The following BTBD17 variants were observed in gnomAD, a reference collection of about 807,000 sequenced individuals.
The protein encoded by BTBD17 is BTB domain containing 17, also known as BTB/POZ domain-containing protein 17.
BTBD17 carries 26 observed loss-of-function variants against 36.9 expected under a neutral mutation model. The observed-to-expected ratio is 0.70, with a 90% CI of 0.52 to 0.98. The LOEUF (loss-of-function observed/expected upper bound fraction) is 0.98. Among genes scored for constraint, BTBD17 ranks in the 50% least tolerant of loss-of-function variants. The pLI, the probability that BTBD17 is intolerant of heterozygous loss-of-function variation, is 0.00. For synonymous variants in BTBD17, 341 were observed against 338.0 expected (o/e 1.01, Z -0.10); for missense variants, 630 against 691.3 (o/e 0.91, Z 0.99).
In BTBD17 at chr17:74,356,602, C is replaced by A; in HGVS notation, c.*55G>T. On this transcript the variant is annotated 3_prime_UTR_variant, in exon 3 of 3. Coordinates refer to ENST00000375366, the MANE Select transcript of BTBD17 (RefSeq NM_001080466.2). This position sits in a 1 kb window ranked among gnomAD's most constrained non-coding sequence, Gnocchi z 4.3. ...TTGCCACCTCCAGGCTCGCCTTGCC[C>A]TTCCCAGACCCACAGGGACCACCTA... 7.2e-7 allele frequency: 1 copy of A among 1,390,428 alleles called. No individual in the cohort carries two copies. Among genetic ancestry groups the A allele is most frequent in the South Asian group, 1.9e-5 (1 of 52,758 alleles). The allele number at this position is 1,390,428 out of a possible 1,614,324, so 86.1% of individuals were successfully genotyped here.
intron 1 of BTBD17, among the ~76,000 whole-genome samples, chr17:74,361,178 G>A (rs2054935418): frequency 1.3e-5 from 2 of 152,234 alleles, no homozygotes; most frequent in African/African-American, 2.4e-5. Flanking sequence ...AGGATGCCCC[G>A]ACAGTCAGAT....
In BTBD17 at chr17:74,360,223, C is replaced by T; in HGVS notation, c.108G>A (p.Gly36=). ...THAAQRADVG[G]EAAGTSINHS... ...GGTTGATGGAGGTGCCAGCTGCCTC[C>T]CCGCCAACATCGGCTCTCTGTGCTG... is the stretch of plus-strand genomic sequence containing the variant. Residue 36 remains glycine, a synonymous_variant, in exon 2 of 3, where the codon GGG becomes GGA. Coordinates refer to ENST00000375366, the MANE Select transcript of BTBD17 (RefSeq NM_001080466.2). 6.2e-7 allele frequency: 1 copy of T among 1,606,232 alleles called. No homozygotes were observed. Among genetic ancestry groups the T allele is most frequent in the Non-Finnish European group, 8.5e-7 (1 of 1,175,380 alleles).
intron 1 of BTBD17, among the ~76,000 whole-genome samples, chr17:74,360,690 A>G (rs999677239): frequency 3.3e-5 from 5 of 152,202 alleles, no homozygotes; most frequent in Admixed American, 6.5e-5. Context: ...TTTATTGAGC[A>G]CTTACTATAT....
At chr17:74,361,925 C>G (rs1043066588), upstream of BTBD17, 8 of 901,522 alleles carry the variant, frequency 8.9e-6, no homozygotes, top group Middle Eastern at 2.2e-4. Flanking sequence ...ACGGCACCCC[C>G]CTTCCTGCTT....
rs1447976384 is a variant in BTBD17 at position 74,356,517 on chromosome 17, C to G, written c.*140G>C. ...CAGGCATCTTGTCTACCACGCCTCA[C>G]CTGGACTCCACCCCAGCCCTAGGGT... On this transcript the variant is annotated 3_prime_UTR_variant, in exon 3 of 3. Coordinates refer to ENST00000375366, the MANE Select transcript of BTBD17 (RefSeq NM_001080466.2). This position sits in a 1 kb window ranked among gnomAD's most constrained non-coding sequence, Gnocchi z 4.3. 1.2e-5 allele frequency: 15 copies of G among 1,296,760 alleles called. No individual in the cohort carries two copies. The highest frequency in any genetic ancestry group is 8.2e-5 in the Admixed American group (2 of 24,352). 80.3% of individuals were successfully genotyped at this position (1,296,760 alleles called of 1,614,324 possible). A position where few individuals can be genotyped will look rare whatever the true frequency, so the allele number is the denominator to read the frequency against.
At chr17:74,361,492 G>A (rs746327905) in intron 1 of BTBD17, among the ~76,000 whole-genome samples, 2 of 152,288 alleles carry the variant, frequency 1.3e-5, no homozygotes, top group South Asian at 2.1e-4. Context: ...TGCTGATGGC[G>A]TCCCCATTCA....
rs768818223 is a variant in BTBD17 at position 74,357,286 on chromosome 17, C to G, written c.808G>C (p.Ala270Pro). The change falls in exon 3 of 3, where the codon GCG becomes CCG. Residue 270 changes from alanine to proline, a missense_variant. Ala to Pro is a conservative substitution (Grantham distance 27). Transcript: ENST00000375366. The surrounding 1 kb of genome is among the most constrained non-coding windows in gnomAD (Gnocchi z 8.4). ...IPPAQLFQLQ[A>P]RSAALARHGP... ...TGGCGCGCCAGGGCTGCCGAGCGCG[C>G]CTGCAGCTGGAACAGCTGTGCCGGT... 1 of 1,557,454 alleles carries G rather than the reference C, an allele frequency of 6.4e-7. No homozygotes were observed. The highest frequency in any genetic ancestry group is 8.6e-7 in the Non-Finnish European group (1 of 1,156,332).
rs372419018 is a variant in BTBD17, at chr17:74,357,242, G to A, written c.852C>T (p.Asp284=). 46 of 1,570,336 alleles carry A rather than the reference G, an allele frequency of 2.9e-5. No homozygotes were observed. In the African/African-American group the frequency reaches 5.2e-4, roughly 18 times the overall value. Residue 284 remains aspartate, a synonymous_variant, in exon 3 of 3, where the codon GAC becomes GAT. Transcript: ENST00000375366. The surrounding 1 kb of genome is among the most constrained non-coding windows in gnomAD (Gnocchi z 8.4). ...GGAACTGGTAGGCCTGCAGCAGGAG[G>A]TCGGCCACCGCGGGGCCGTGGCGCG... ...ALARHGPAVA[D]LLLQAYQFHA...
At chr17:74,358,041 A>G (rs937244801) in intron 2 of BTBD17, among the ~76,000 whole-genome samples, 5 of 152,160 alleles carry the variant, frequency 3.3e-5, no homozygotes, top group African/African-American at 7.2e-5. Context: ...TGGGGTTTCC[A>G]GTCTGGTTGG....
chr17:74,360,950 GA>G (rs545497587), intron 1 of BTBD17, among the ~76,000 whole-genome samples: 117 of 152,330 alleles, frequency 7.7e-4, no homozygotes, highest in African/African-American at 2.8e-3. Flanking sequence ...TAGCAGGAGA[GA>G]GGGGCGGGTG....
chr17:74,361,749 A>C lies in BTBD17; in HGVS notation c.71T>G (p.Leu24Arg), dbSNP rs1244276663. ...TGCCCGCTCACCTGCATGGGTGACC[A>C]GGCCCACCAAGGTCAGCATGGCCCA... The part of the protein sequence containing the change: ...SFWAMLTLVG[L>R]VTHAAQRADV... Residue 24 changes from leucine (L) to arginine (R), a missense_variant, in exon 1 of 3, where the codon CTG becomes CGG. Leu to Arg is a moderately radical substitution (Grantham distance 102). Transcript: ENST00000375366. 4.3e-6 allele frequency: 7 copies of C among 1,613,348 alleles called. No individual in the cohort carries two copies. Among genetic ancestry groups the C allele is most frequent in the Non-Finnish European group, 5.1e-6 (6 of 1,179,608 alleles).
chr17:74,362,400 C>G (rs1272441179), upstream of BTBD17, among the ~76,000 whole-genome samples: 2 of 152,178 alleles, frequency 1.3e-5, no homozygotes, highest in Admixed American at 1.3e-4. Context: ...AGAGATCTCT[C>G]GAATAGGGGC....
chr17:74,359,879 C>T, intron 2 of BTBD17, 90 bp downstream of exon 2: 1 of 1,383,636 alleles, frequency 7.2e-7, no homozygotes, highest in Non-Finnish European at 9.9e-7. Flanking sequence ...ATAACAACCT[C>T]TAAGGGCCTG....
Position 74,357,246 on chromosome 17 carries a change from GCCAC to G in BTBD17, c.844_847del (p.Val282ProfsTer113). The stretch of plus-strand genomic sequence containing the variant: ...CTGGTAGGCCTGCAGCAGGAGGTCG[GCCAC>G]CGCGGGGCCGTGGCGCGCCAGGGCT... On this transcript the variant is annotated frameshift_variant, in exon 3 of 3. Coordinates refer to ENST00000375366, the MANE Select transcript of BTBD17 (RefSeq NM_001080466.2). LOFTEE classifies it high-confidence loss of function. This position sits in a 1 kb window ranked among gnomAD's most constrained non-coding sequence, Gnocchi z 8.4. 6.4e-7 allele frequency: 1 copy of G among 1,566,862 alleles called. No individual in the cohort carries two copies. The highest frequency in any genetic ancestry group is 8.6e-7 in the Non-Finnish European group (1 of 1,160,474).
chr17:74,357,379 C>A lies in BTBD17; in HGVS notation c.715G>T (p.Gly239Cys). Residue 239 changes from glycine (G) to cysteine (C), a missense_variant, in exon 3 of 3, where the codon GGT (glycine) becomes TGT (cysteine). Physicochemically the swap from Gly to Cys is radical, Grantham distance 159. Coordinates refer to ENST00000375366, the MANE Select transcript of BTBD17 (RefSeq NM_001080466.2). The surrounding 1 kb of genome is among the most constrained non-coding windows in gnomAD (Gnocchi z 8.4). ...ACGGCAGGGGGCGGCCGCGCGCGACCCAGCCAGGCCTCCAGCGCGTGGAAC... is the reference window on the plus strand; with the variant it reads ...ACGGCAGGGGGCGGCCGCGCGCGACACAGCCAGGCCTCCAGCGCGTGGAAC... ...ELFHALEAWL[G>C]RARPPPAVAE... The A allele has an allele frequency of 6.4e-7, 1 of 1,560,202 alleles. No individual in the cohort carries two copies. Among genetic ancestry groups the A allele is most frequent in the East Asian group, 2.4e-5 (1 of 41,860 alleles).
chr17:74,358,600 AG>A (rs1015520729), intron 2 of BTBD17, among the ~76,000 whole-genome samples: 1 of 145,706 alleles, frequency 6.9e-6, no homozygotes, highest in African/African-American at 2.6e-5. Flanking sequence ...TACAGGTGTG[AG>A]CCCCCATTTC....
chr17:74,358,669 A>T (rs1359031024), intron 2 of BTBD17, among the ~76,000 whole-genome samples: 1 of 151,616 alleles, frequency 6.6e-6, no homozygotes, highest in Non-Finnish European at 1.5e-5. Flanking sequence ...ACTTCTGCTG[A>T]GTATCTCTTC....
In BTBD17 at chr17:74,360,073, C is replaced by A; in HGVS notation, c.258G>T (p.Leu86=). 2 of 1,613,276 alleles carry A rather than the reference C, an allele frequency of 1.2e-6. No individual in the cohort carries two copies. Among genetic ancestry groups the A allele is most frequent in the Non-Finnish European group, 1.7e-6 (2 of 1,180,034 alleles). Residue 86 remains leucine, a synonymous_variant, in exon 2 of 3, where the codon CTG becomes CTT. Coordinates refer to ENST00000375366, the MANE Select transcript of BTBD17 (RefSeq NM_001080466.2). Reference sequence around the variant, plus strand: ...GGAACAGCTCACTGTGCAGTCCCAGCAGCAGGCGGTGGGCGTGGAATACCC... The same window carrying A: ...GGAACAGCTCACTGTGCAGTCCCAGAAGCAGGCGGTGGGCGTGGAATACCC... The part of the protein sequence containing the change: ...EVRVFHAHRL[L]LGLHSELFLE...
rs1567929567 is a variant in BTBD17 at position 74,356,503 on chromosome 17, T to C, written c.*154A>G. 8.2e-7 allele frequency: 1 copy of C among 1,222,134 alleles called. No individual in the cohort carries two copies. The allele number at this position is 1,222,134 out of a possible 1,614,324, so 75.7% of individuals were successfully genotyped here. A position where few individuals can be genotyped will look rare whatever the true frequency, so the allele number is the denominator to read the frequency against. On this transcript the variant is annotated 3_prime_UTR_variant, in exon 3 of 3. Transcript: ENST00000375366. This position sits in a 1 kb window ranked among gnomAD's most constrained non-coding sequence, Gnocchi z 4.3. The stretch of plus-strand genomic sequence containing the variant: ...TCAGCTCTTGAAACCAGGCATCTTG[T>C]CTACCACGCCTCACCTGGACTCCAC...
Sources: gnomAD v4.1 joint callset for allele counts (sites outside exome capture counted in the v4.1 genomes callset) on GRCh38, gnomAD v4.1.1 for gene constraint, Gnocchi (gnomAD v3.1) non-coding constraint, MANE v1.5 for transcripts, NCBI Gene and HGNC (gene_info 2026-07-23, HGNC 2026-07-21) for gene names.